The following MDFIC variants were observed in gnomAD, a reference collection of about 807,000 sequenced individuals.
MDFIC encodes the protein myoD family inhibitor domain-containing protein.
In MDFIC, 17 loss-of-function variants were observed where a neutral mutation model predicts 23.2. That is an observed-to-expected ratio of 0.73 (90% CI 0.50 to 1.10). The LOEUF is 1.10. Ranked by LOEUF, MDFIC falls within the 50% of genes least tolerant of loss-of-function variation. MDFIC has a pLI of 0.00. For missense variants in MDFIC, 356 were observed against 316.6 expected, an observed-to-expected ratio of 1.12 and a Z score of -0.95; for synonymous variants, 120 against 115.2, an observed-to-expected ratio of 1.04 and a Z score of -0.27.
intron 3 of MDFIC, among the ~76,000 whole-genome samples, chr7:114,964,633 C>A (rs1382965250): frequency 1.3e-5 from 2 of 152,060 alleles, no homozygotes; most frequent in African/African-American, 4.8e-5. Context: ...TCACTGCAAC[C>A]TCCGCCTCCT....
Position 114,922,174 on chromosome 7 carries a change from C to T in MDFIC, c.-570C>T. The T allele has an allele frequency of 2.6e-6, 1 of 383,134 alleles. No individual in the cohort carries two copies. Among genetic ancestry groups the T allele is most frequent in the Non-Finnish European group, 4.6e-6 (1 of 219,528 alleles). The allele number at this position is 383,134 out of a possible 1,614,324, so 23.7% of individuals were successfully genotyped here. ...GCCAGCCCAGGCCGGCTCTGGCCTC[C>T]TGACCCAGACAGCGCAGGGCGCGAG... On this transcript the variant is annotated 5_prime_UTR_variant, in exon 1 of 5. Transcript: ENST00000393486.
intron 4 of MDFIC, among the ~76,000 whole-genome samples, chr7:115,009,967 C>G (rs1791647393): frequency 6.6e-6 from 1 of 152,174 alleles, no homozygotes; most frequent in Non-Finnish European, 1.5e-5. Context: ...CAGTTTTGGA[C>G]AGGCATCTTT....
chr7:114,956,357 AC>A (rs1792883933), intron 3 of MDFIC, among the ~76,000 whole-genome samples: 1 of 132,866 alleles, frequency 7.5e-6, no homozygotes, highest in Non-Finnish European at 1.7e-5. Context: ...ATACACACAC[AC>A]ATATATATAT....
chr7:114,985,900 G>T (rs1439393914), intron 4 of MDFIC, among the ~76,000 whole-genome samples: 1 of 151,828 alleles, frequency 6.6e-6, no homozygotes, highest in Admixed American at 6.6e-5. Context: ...TTGAAAAATT[G>T]TGTTTTCTTT....
intron 3 of MDFIC, among the ~76,000 whole-genome samples, chr7:114,977,061 G>C (rs1386566383): frequency 2.0e-5 from 3 of 152,080 alleles, no homozygotes; most frequent in Non-Finnish European, 4.4e-5. Flanking sequence ...AATTAAAACA[G>C]TAAGTTTTAG....
At chr7:114,979,403 A>G in intron 3 of MDFIC, 103 bp from the exon 4 acceptor site, 2 of 1,215,164 alleles carry the variant, frequency 1.6e-6, no homozygotes, top group East Asian at 2.6e-5. Context: ...TGTTAGTATT[A>G]TGGGTAAAAC....
chr7:114,977,150 A>G (rs1231761852), intron 3 of MDFIC, among the ~76,000 whole-genome samples: 1 of 152,210 alleles, frequency 6.6e-6, no homozygotes, highest in Non-Finnish European at 1.5e-5. Context: ...GATTTTGCTG[A>G]AAAGCTGTGA....
intron 4 of MDFIC, among the ~76,000 whole-genome samples, chr7:114,980,805 A>G (rs1793404918): frequency 6.6e-6 from 1 of 152,222 alleles, no homozygotes; most frequent in African/African-American, 2.4e-5. Flanking sequence ...ATGCTTATTC[A>G]TAGAGACAAA....
intron 3 of MDFIC, among the ~76,000 whole-genome samples, chr7:114,967,680 A>T (rs930854455): frequency 3.3e-5 from 5 of 151,926 alleles, no homozygotes; most frequent in African/African-American, 9.7e-5. Context: ...ATAGTATATA[A>T]AAAAAAATTT....
intron 2 of MDFIC, among the ~76,000 whole-genome samples, chr7:114,938,684 G>T (rs1049063897): frequency 6.6e-6 from 1 of 152,168 alleles, no homozygotes; most frequent in Admixed American, 6.5e-5. Flanking sequence ...GCTACTTTGG[G>T]TTGGGGGGAA....
Position 114,979,583 on chromosome 7 carries a change from G to A in MDFIC, c.295G>A (p.Gly99Ser), listed in dbSNP as rs548881845. Residue 99 changes from glycine (G) to serine (S), a missense_variant, in exon 4 of 5, where the codon GGC (glycine) becomes AGC (serine). Gly to Ser is a moderately conservative substitution (Grantham distance 56). Transcript: ENST00000393486. The stretch of plus-strand genomic sequence containing the variant: ...TGAGGAAATAGGCAAGATAAAGAAC[G>A]GCCACACAGGTCTGAGCAATGGAAA... ...SGEEIGKIKN[G>S]HTGLSNGNGI... 1.7e-4 allele frequency: 275 copies of A among 1,614,030 alleles called. 3 individuals carry two copies. In the South Asian group the frequency reaches 2.6e-3, roughly 15 times the overall value.
chr7:114,979,816 A>G, intron 4 of MDFIC, 35 bp downstream of exon 4: 1 of 1,586,220 alleles, frequency 6.3e-7, no homozygotes. Context: ...TTATTTGACC[A>G]GATGTAAAAT....
At chr7:114,942,185 A>G (rs1792554926) in intron 2 of MDFIC, 90 bp from the exon 3 acceptor site, 1 of 787,242 alleles carries the variant, frequency 1.3e-6, no homozygotes, top group East Asian at 3.4e-5. Context: ...ATTATGGCAG[A>G]CTTGGAAGCA....
intron 4 of MDFIC, among the ~76,000 whole-genome samples, chr7:114,983,925 A>G (rs973069486): frequency 1.3e-5 from 2 of 152,042 alleles, no homozygotes; most frequent in African/African-American, 4.8e-5. Context: ...AGTCCTCCCA[A>G]CAACGCTGCA....
At chr7:114,956,382 T>C (rs145492401) in intron 3 of MDFIC, among the ~76,000 whole-genome samples, 38 of 137,628 alleles carry the variant, frequency 2.8e-4, no homozygotes, top group African/African-American at 9.9e-4. Flanking sequence ...CACACACACA[T>C]ATATATACAC....
In MDFIC at chr7:115,004,641, A is replaced by G. The variant is rs566759129; in HGVS notation, c.494-11047A>G. 2.0e-5 allele frequency among the ~76,000 whole-genome samples: 3 copies of G among 152,336 alleles called. No homozygotes were observed. In the South Asian group the frequency reaches 6.2e-4, roughly 32 times the overall value. ...AATCTGACATGTAGTCAAATGCTCA[A>G]TGAAGACTTGTTGAATGAACATTTA... On this transcript the variant is annotated intron_variant, in intron 4 of 4. Transcript: ENST00000393486.
chr7:114,944,201 CTAATATT>C (rs1395686790), intron 3 of MDFIC, among the ~76,000 whole-genome samples: 2 of 152,116 alleles, frequency 1.3e-5, no homozygotes, highest in Non-Finnish European at 2.9e-5. Context: ...TAGTTTCTTA[CTAATATT>C]CACTGAAGGA....
At chr7:115,013,576 G>A (rs1791725969) in intron 4 of MDFIC, among the ~76,000 whole-genome samples, 1 of 152,190 alleles carries the variant, frequency 6.6e-6, no homozygotes, top group Non-Finnish European at 1.5e-5. Context: ...GTTTCAGTGA[G>A]GTATTGTTGG....
chr7:114,969,929 A>T (rs1193411004), intron 3 of MDFIC, among the ~76,000 whole-genome samples: 2 of 152,180 alleles, frequency 1.3e-5, no homozygotes, highest in Admixed American at 1.3e-4. Context: ...CAAATTTGGA[A>T]GTAGCCCTTC....
Sources: allele counts gnomAD v4.1 joint callset (sites outside exome capture counted in the v4.1 genomes callset), GRCh38; gene constraint gnomAD v4.1.1; transcripts MANE v1.5; gene names NCBI Gene and HGNC (gene_info 2026-07-23, HGNC 2026-07-21).